Variants in CAMTA1 observed in about 807,000 individuals in gnomAD.
The protein encoded by CAMTA1 is calmodulin binding transcription activator 1, also known as calmodulin-binding transcription activator 1.
CAMTA1 carries 27 observed loss-of-function variants against 170.9 expected under a neutral mutation model. The ratio of observed to expected loss-of-function variants is 0.16; its 90% CI spans 0.12 to 0.22. The LOEUF (loss-of-function observed/expected upper bound fraction) is 0.22. Ranked by LOEUF, CAMTA1 falls within the 10% of genes least tolerant of loss-of-function variation. The pLI is 1.00. For synonymous variants in CAMTA1, 833 were observed against 891.5 expected (o/e 0.93, Z 1.17); for missense variants, 1,619 against 2,217.2 (o/e 0.73, Z 5.42).
chr1:7,313,888 C>T (rs1186953821), intron 5 of CAMTA1, among the ~76,000 whole-genome samples: 3 of 152,068 alleles, frequency 2.0e-5, no homozygotes, highest in African/African-American at 2.4e-5. Flanking sequence ...TGGAAGGCAG[C>T]GAGAAAGCAG....
intron 6 of CAMTA1, among the ~76,000 whole-genome samples, chr1:7,584,600 C>A (rs933785220): frequency 8.5e-5 from 13 of 152,180 alleles, no homozygotes; most frequent in Non-Finnish European, 1.5e-5. Flanking sequence ...GGGGTAGACA[C>A]CACTGGATGC....
At chr1:7,157,662 A>G (rs965053767) in intron 4 of CAMTA1, among the ~76,000 whole-genome samples, 1 of 152,330 alleles carries the variant, frequency 6.6e-6, no homozygotes, top group East Asian at 1.9e-4. Flanking sequence ...ATATACATCT[A>G]TTGCATGACC....
rs1646866776 is a variant in CAMTA1, at chr1:6,824,334, T to C, written c.116-758T>C. 2.6e-5 allele frequency among the ~76,000 whole-genome samples: 4 copies of C among 152,114 alleles called. No homozygotes were observed. In the South Asian group the frequency reaches 8.3e-4, roughly 32 times the overall value. ...TAAGCAAACAAATGAGTGAAATAAATGTTATATAAAGGAAATGATCTCTTC... is the reference window on the plus strand; with the variant it reads ...TAAGCAAACAAATGAGTGAAATAAACGTTATATAAAGGAAATGATCTCTTC... On this transcript the variant is annotated intron_variant, in intron 2 of 22. Coordinates refer to ENST00000303635, the MANE Select transcript of CAMTA1 (RefSeq NM_015215.4).
At chr1:7,052,350 G>A (rs540283370) in intron 3 of CAMTA1, among the ~76,000 whole-genome samples, 4 of 152,134 alleles carry the variant, frequency 2.6e-5, no homozygotes, top group South Asian at 2.1e-4. Context: ...CTTGTTCAGC[G>A]ACTCATCCCT....
At chr1:7,040,814 C>T (rs1268832614) in intron 3 of CAMTA1, among the ~76,000 whole-genome samples, 1 of 151,920 alleles carries the variant, frequency 6.6e-6, no homozygotes, top group African/African-American at 2.4e-5. Flanking sequence ...CAGCCTCTGC[C>T]TCCCTGGTTG....
At chr1:7,699,296 C>A (rs749339302) in intron 11 of CAMTA1, among the ~76,000 whole-genome samples, 2 of 152,138 alleles carry the variant, frequency 1.3e-5, no homozygotes, top group South Asian at 2.1e-4. Flanking sequence ...AGCTCCCCCC[C>A]ACCACCCTCC....
rs1307143419 is a variant in CAMTA1 at position 7,588,729 on chromosome 1, G to A, written c.511-51671G>A. ...TCTGCTCTCTGCCAGTGAGGTACCT[G>A]CCCCTGGAGCGGGACCAACAGCTCC... On this transcript the variant is annotated intron_variant, in intron 6 of 22. Transcript: ENST00000303635. This position sits in a 1 kb window ranked among gnomAD's most constrained non-coding sequence, Gnocchi z 5.8. Among the ~76,000 whole-genome samples, 1 of 152,166 alleles carries A rather than the reference G, an allele frequency of 6.6e-6. No individual in the cohort carries two copies. The highest frequency in any genetic ancestry group is 1.9e-4 in the East Asian group (1 of 5,172).
intron 6 of CAMTA1, among the ~76,000 whole-genome samples, chr1:7,473,149 G>A (rs966131067): frequency 6.6e-6 from 1 of 152,120 alleles, no homozygotes; most frequent in Non-Finnish European, 1.5e-5. Flanking sequence ...GCTGAGAGCA[G>A]GGTTTCCTAG....
chr1:7,079,782 C>A (rs1474912578), intron 3 of CAMTA1, among the ~76,000 whole-genome samples: 4 of 152,082 alleles, frequency 2.6e-5, no homozygotes, highest in Non-Finnish European at 5.9e-5. Flanking sequence ...AAGAAAAAAT[C>A]TTAAACTCAG....
intron 4 of CAMTA1, chr1:7,219,494 T>A (rs1303301980): frequency 7.2e-6 from 1 of 138,106 alleles, no homozygotes; most frequent in East Asian, 2.1e-4. Flanking sequence ...TCATTTGTGG[T>A]AGTGGGGGAC....
chr1:7,728,191 C>T lies in CAMTA1; in HGVS notation c.2915-4257C>T, dbSNP rs1206374091. ...CACCTCTGTGGCACACACAGAGTCA[C>T]TGTGACTGTTGGAGGGGTTGACCGG... is the stretch of plus-strand genomic sequence containing the variant. On this transcript the variant is annotated intron_variant, in intron 11 of 22. Transcript: ENST00000303635. 2.6e-5 allele frequency among the ~76,000 whole-genome samples: 4 copies of T among 152,392 alleles called. No homozygotes were observed. The East Asian group carries it at 7.7e-4, about 29-fold the overall frequency.
In CAMTA1 at chr1:7,663,903, C is replaced by T. The variant is rs2095981669; in HGVS notation, c.1356C>T (p.Ser452=). ...TTCCCACCACGGGCAGCTCGGAGAG[C>T]CTGTCCATGCTGCCCACCAACGTGT... ...FAFPTTGSSE[S]LSMLPTNVSE... The change falls in exon 9 of 23, where the codon AGC becomes AGT. Residue 452 remains serine, a synonymous_variant. Coordinates refer to ENST00000303635, the MANE Select transcript of CAMTA1 (RefSeq NM_015215.4). 1 of 1,613,858 alleles carries T rather than the reference C, an allele frequency of 6.2e-7. No homozygotes were observed. Among genetic ancestry groups the T allele is most frequent in the Non-Finnish European group, 8.5e-7 (1 of 1,180,030 alleles).
intron 6 of CAMTA1, among the ~76,000 whole-genome samples, chr1:7,528,431 T>TAA (rs546879779): frequency 6.7e-6 from 1 of 149,298 alleles, no homozygotes; most frequent in Non-Finnish European, 1.5e-5. Context: ...TTTGGTTTTT[T>TAA]AAAAAAAAAA....
chr1:7,075,024 A>T (rs1639112136), intron 3 of CAMTA1, among the ~76,000 whole-genome samples: 1 of 152,186 alleles, frequency 6.6e-6, no homozygotes, highest in African/African-American at 2.4e-5. Flanking sequence ...ATATCCAAAC[A>T]GTTTTGGTAA....
At chr1:6,945,056 C>G (rs1420290455) in intron 3 of CAMTA1, among the ~76,000 whole-genome samples, 1 of 152,202 alleles carries the variant, frequency 6.6e-6, no homozygotes, top group African/African-American at 2.4e-5. Context: ...GGCTCCTACT[C>G]TGAGAGGGCA....
Position 7,641,025 on chromosome 1 carries a change from G to C in CAMTA1, c.664+472G>C, listed in dbSNP as rs1002931703. Among the ~76,000 whole-genome samples the C allele has an allele frequency of 2.0e-5, 3 of 152,202 alleles. No homozygotes were observed. Among genetic ancestry groups the C allele is most frequent in the Non-Finnish European group, 4.4e-5 (3 of 68,036 alleles). The stretch of plus-strand genomic sequence containing the variant: ...CGGCTCCCAGGCTGGGTGGCAAATA[G>C]ATGATGGTAATTGAGCTGGATTTCA... On this transcript the variant is annotated intron_variant, in intron 7 of 22. Transcript: ENST00000303635. This position sits in a 1 kb window ranked among gnomAD's most constrained non-coding sequence, Gnocchi z 4.5.
chr1:7,090,320 G>T (rs1450541176), intron 3 of CAMTA1, among the ~76,000 whole-genome samples: 2 of 152,172 alleles, frequency 1.3e-5, no homozygotes, highest in Admixed American at 1.3e-4. Flanking sequence ...CCAGGCAGAG[G>T]GGCTGCTACC....
chr1:7,111,140 C>G (rs1478274858), intron 4 of CAMTA1, among the ~76,000 whole-genome samples: 1 of 152,232 alleles, frequency 6.6e-6, no homozygotes, highest in African/African-American at 2.4e-5. Context: ...GACCTCCTCT[C>G]CTGAGTCCCC....
At chr1:7,190,456 T>C (rs969494287) in intron 4 of CAMTA1, among the ~76,000 whole-genome samples, 1 of 152,056 alleles carries the variant, frequency 6.6e-6, no homozygotes, top group African/African-American at 2.4e-5. Context: ...TAGAAAATAA[T>C]CATGATGTAA....
Sources: allele counts gnomAD v4.1 joint callset (sites outside exome capture counted in the v4.1 genomes callset), GRCh38; gene constraint gnomAD v4.1.1; non-coding constraint Gnocchi (gnomAD v3.1); transcripts MANE v1.5; gene names NCBI Gene and HGNC (gene_info 2026-07-23, HGNC 2026-07-21).